ANK3: variants seen among roughly 807,000 people sequenced by gnomAD.
ANK3 encodes ankyrin-3.
Under a neutral mutation model 370.9 loss-of-function variants are expected in ANK3, and 57 were observed. The observed-to-expected ratio is 0.15, with a 90% CI of 0.12 to 0.19. The LOEUF is 0.19. Among genes scored for constraint, ANK3 ranks in the 10% least tolerant of loss-of-function variants. The pLI is 1.00. For missense variants in ANK3, 4,439 were observed against 5,302.1 expected (o/e 0.84, Z 5.06); for synonymous variants, 1,929 against 1,946.3 (o/e 0.99, Z 0.23).
chr10:60,267,751 C>T (rs1208105693), intron 5 of ANK3, among the ~76,000 whole-genome samples: 2 of 152,020 alleles, frequency 1.3e-5, no homozygotes, highest in African/African-American at 2.4e-5. Flanking sequence ...CTTAGTGATC[C>T]GTACATCACA....
chr10:60,339,303 A>G (rs1188043626), intron 1 of ANK3, among the ~76,000 whole-genome samples: 1 of 152,206 alleles, frequency 6.6e-6, no homozygotes, highest in African/African-American at 2.4e-5. Flanking sequence ...ATAAAGCATC[A>G]GCAAACCTTA....
chr10:60,119,069 A>G (rs536028734), intron 25 of ANK3, among the ~76,000 whole-genome samples: 9 of 152,312 alleles, frequency 5.9e-5, no homozygotes, highest in Admixed American at 5.2e-4. Context: ...ATATGTCCCA[A>G]TATTTGTCCC....
At chr10:60,453,947 A>G (rs2133044644) in intron 2 of ANK3, among the ~76,000 whole-genome samples, 1 of 152,366 alleles carries the variant, frequency 6.6e-6, no homozygotes, top group East Asian at 1.9e-4. Flanking sequence ...ATAAATTTAC[A>G]GCCAGATGAA....
chr10:60,248,387 A>G (rs7073041), intron 7 of ANK3, among the ~76,000 whole-genome samples: 88,414 of 151,978 alleles, frequency 0.58, 26,118 homozygotes, highest in Non-Finnish European at 0.64. Flanking sequence ...TATTCCATAT[A>G]TGCTTTTTAA....
At chr10:60,203,285 T>C (rs1373607138) in intron 11 of ANK3, among the ~76,000 whole-genome samples, 185 bp from the exon 12 acceptor site, 2 of 152,238 alleles carry the variant, frequency 1.3e-5, no homozygotes, top group Non-Finnish European at 2.9e-5. Context: ...ATAATCATCG[T>C]TTTCCTAAAG....
intron 23 of ANK3, among the ~76,000 whole-genome samples, chr10:60,148,766 A>G (rs2094948534): frequency 6.6e-6 from 1 of 152,242 alleles, no homozygotes; most frequent in Admixed American, 6.5e-5. Context: ...CAATGAACTA[A>G]TTGCTAGCCA....
At chr10:60,514,182 T>C (rs879769823) in intron 2 of ANK3, among the ~76,000 whole-genome samples, 4 of 152,120 alleles carry the variant, frequency 2.6e-5, no homozygotes, top group East Asian at 1.9e-4. Flanking sequence ...ACATTATCAG[T>C]AAGGCTGCCC....
intron 2 of ANK3, among the ~76,000 whole-genome samples, chr10:60,403,684 T>C (rs2063397366): frequency 6.6e-6 from 1 of 152,154 alleles, no homozygotes; most frequent in Admixed American, 6.5e-5. Flanking sequence ...ACCTCCCGGG[T>C]TCACACCATT....
chr10:60,208,583 T>C (rs1333309532), intron 9 of ANK3, among the ~76,000 whole-genome samples: 7 of 152,180 alleles, frequency 4.6e-5, no homozygotes, highest in Admixed American at 1.3e-4. Context: ...CTCAAACTCC[T>C]GGCCTGAAGC....
chr10:60,522,217 C>T (rs562717034), intron 2 of ANK3, among the ~76,000 whole-genome samples: 5 of 152,156 alleles, frequency 3.3e-5, no homozygotes, highest in East Asian at 1.9e-4. Flanking sequence ...AACCCACAAG[C>T]GCCTCCGTTT....
intron 1 of ANK3, among the ~76,000 whole-genome samples, chr10:60,310,243 A>T (rs189331274): frequency 1.3e-5 from 2 of 152,174 alleles, no homozygotes. Flanking sequence ...TTAAAAAGTC[A>T]TTTCATGAGC....
rs533939847 is a variant in ANK3 at position 60,463,679 on chromosome 10, T to TTA, written c.96+151506_96+151507insTA. Among the ~76,000 whole-genome samples the TTA allele has an allele frequency of 3.6e-3, 531 of 146,294 alleles. 5 individuals are homozygous for TTA. Among genetic ancestry groups the TTA allele is most frequent in the African/African-American group, 0.011 (454 of 40,148 alleles). ...ATGGTGAACATTTTACAATCTTGCTTAAAAAAAAAAACCCAAACCAAATAA... is the reference window on the plus strand; with the variant it reads ...ATGGTGAACATTTTACAATCTTGCTTTAAAAAAAAAAAACCCAAACCAAATAA... On this transcript the variant is annotated intron_variant, in intron 2 of 43. Coordinates refer to the ANK3 transcript ENST00000373827.
At chr10:60,137,192 A>C (rs2094381705) in intron 24 of ANK3, 1 of 166,346 alleles carries the variant, frequency 6.0e-6, no homozygotes, top group Non-Finnish European at 1.3e-5. Flanking sequence ...GAAAATTTTT[A>C]CTGATGTTTC....
chr10:60,409,520 G>A (rs570596215), intron 2 of ANK3, among the ~76,000 whole-genome samples: 1 of 152,268 alleles, frequency 6.6e-6, no homozygotes, highest in South Asian at 2.1e-4. Context: ...TTTAAAAAAA[G>A]AAAATGAAGC....
intron 2 of ANK3, among the ~76,000 whole-genome samples, chr10:60,594,596 T>C (rs1310574492): frequency 2.0e-5 from 3 of 151,996 alleles, no homozygotes; most frequent in African/African-American, 4.8e-5. Flanking sequence ...TAAGGATATA[T>C]GCCTATTTTT....
chr10:60,257,363 C>A (rs2097754971), intron 7 of ANK3, among the ~76,000 whole-genome samples: 1 of 152,136 alleles, frequency 6.6e-6, no homozygotes, highest in Non-Finnish European at 1.5e-5. Flanking sequence ...ACAACTAGAT[C>A]ATCATAAAGT....
rs141741941 is a variant in ANK3 at position 60,158,685 on chromosome 10, C to CTTTTTTTTTTTTTTTTTTTT, written c.2614+7905_2614+7906insAAAAAAAAAAAAAAAAAAAA. On this transcript the variant is annotated intron_variant, in intron 23 of 43. Coordinates refer to ENST00000280772, the MANE Select transcript of ANK3 (RefSeq NM_020987.5). ...TACTACAAGAGAAAGCACTTTTTTT[C>CTTTTTTTTTTTTTTTTTTTT]TTTTTTTTGAGACAGAATCTCATTC... Among the ~76,000 whole-genome samples, 222 of 132,624 alleles carry CTTTTTTTTTTTTTTTTTTTT rather than the reference C, an allele frequency of 1.7e-3. 28 individuals are homozygous for CTTTTTTTTTTTTTTTTTTTT. Among genetic ancestry groups the CTTTTTTTTTTTTTTTTTTTT allele is most frequent in the East Asian group, 3.0e-3 (13 of 4,386 alleles). 87.0% of individuals were successfully genotyped at this position (132,624 alleles called of 152,430 possible). A position where few individuals can be genotyped will look rare whatever the true frequency, so the allele number is the denominator to read the frequency against.
intron 2 of ANK3, among the ~76,000 whole-genome samples, chr10:60,591,793 G>A (rs543016394): frequency 6.6e-6 from 1 of 152,226 alleles, no homozygotes; most frequent in East Asian, 1.9e-4. Context: ...GGAACTGGAG[G>A]TCATTATTTT....
intron 2 of ANK3, among the ~76,000 whole-genome samples, chr10:60,405,031 T>C (rs2063424797): frequency 6.6e-6 from 1 of 152,158 alleles, no homozygotes; most frequent in South Asian, 2.1e-4. Flanking sequence ...ACACCAAATG[T>C]TGGCAAGGAT....
Sources: allele counts gnomAD v4.1 joint callset (sites outside exome capture counted in the v4.1 genomes callset), GRCh38; gene constraint gnomAD v4.1.1; transcripts MANE v1.5; gene names NCBI Gene and HGNC (gene_info 2026-07-23, HGNC 2026-07-21).